Variants in DNAH12 observed in about 807,000 individuals in gnomAD.
The protein encoded by DNAH12 is axonemal beta dynein heavy chain 12.
DNAH12 carries 285 observed loss-of-function variants against 371.5 expected under a neutral mutation model. The ratio of observed to expected loss-of-function variants is 0.77; its 90% CI spans 0.70 to 0.85. The LOEUF is 0.85. DNAH12 is among the 40% of genes least tolerant of loss of function. The pLI, the probability that DNAH12 is intolerant of heterozygous loss-of-function variation, is 0.00. For missense variants in DNAH12, 3,611 were observed against 3,689.4 expected, an observed-to-expected ratio of 0.98 and a Z score of 0.55; for synonymous variants, 1,200 against 1,213.0, an observed-to-expected ratio of 0.99 and a Z score of 0.22.
chr3:57,316,959 C>T (rs2061699273), intron 65 of DNAH12, among the ~76,000 whole-genome samples: 1 of 152,112 alleles, frequency 6.6e-6, no homozygotes, highest in Non-Finnish European at 1.5e-5. Context: ...ATTCAATGAC[C>T]TCAATAATTT....
At chr3:57,381,832 T>G (rs1263297507) in intron 50 of DNAH12, among the ~76,000 whole-genome samples, 1 of 151,956 alleles carries the variant, frequency 6.6e-6, no homozygotes, top group East Asian at 1.9e-4. Context: ...GAATTCTGCA[T>G]AGACAGAAAA....
chr3:57,316,998 T>C (rs1320389539), intron 65 of DNAH12, among the ~76,000 whole-genome samples: 1 of 152,216 alleles, frequency 6.6e-6, no homozygotes, highest in Non-Finnish European at 1.5e-5. Context: ...TCAGTTTCCT[T>C]ATTTAACAAA....
At chr3:57,396,922 G>A (rs1325444880) in intron 43 of DNAH12, among the ~76,000 whole-genome samples, 10 of 152,320 alleles carry the variant, frequency 6.6e-5, no homozygotes, top group African/African-American at 2.4e-4. Context: ...CTACTAGGGA[G>A]GTTGAGGCAG....
At chr3:57,381,236 G>GGGGT (rs2063383615) in intron 50 of DNAH12, among the ~76,000 whole-genome samples, 1 of 149,242 alleles carries the variant, frequency 6.7e-6, no homozygotes, top group African/African-American at 2.5e-5. Context: ...CTGATAGGGA[G>GGGGT]GTGTGTGTGT....
chr3:57,430,475 T>A (rs1277714703), intron 32 of DNAH12, among the ~76,000 whole-genome samples: 1 of 152,206 alleles, frequency 6.6e-6, no homozygotes, highest in Non-Finnish European at 1.5e-5. Flanking sequence ...TCAAAGACTA[T>A]GCATTGAGTT....
At chr3:57,477,578 G>C (rs1439227844) in intron 13 of DNAH12, among the ~76,000 whole-genome samples, 2 of 152,158 alleles carry the variant, frequency 1.3e-5, no homozygotes, top group Non-Finnish European at 2.9e-5. Flanking sequence ...AGAGAATAGT[G>C]GTTCTCCCAG....
intron 60 of DNAH12, among the ~76,000 whole-genome samples, chr3:57,336,574 A>G (rs567264782): frequency 6.6e-6 from 1 of 152,346 alleles, no homozygotes; most frequent in South Asian, 2.1e-4. Flanking sequence ...CCTACACTAC[A>G]AGATATCTTA....
rs2066336329 is a variant in DNAH12, at chr3:57,470,543, C to T, written c.2005G>A (p.Glu669Lys). The T allele has an allele frequency of 6.5e-7, 1 of 1,549,956 alleles. No homozygotes were observed. The highest frequency in any genetic ancestry group is 1.4e-5 in the African/African-American group (1 of 72,940). Residue 669 changes from glutamate (E) to lysine (K), a missense_variant, in exon 16 of 74, where the codon GAA becomes AAA. By Grantham distance (56) the Glu-to-Lys change is moderately conservative. Coordinates refer to ENST00000495027, the MANE Select transcript of DNAH12 (RefSeq NM_001366028.2). ...TCCAGTTCAGGATATTTTGTCAATT[C>T]CCACTTGAAAAGTTCCTCTTCTTTA... ...INKEEELFKW[E>K]LTKYPELDKL...
intron 59 of DNAH12, among the ~76,000 whole-genome samples, chr3:57,354,903 A>G (rs1372167347): frequency 1.3e-5 from 2 of 152,220 alleles, no homozygotes; most frequent in Non-Finnish European, 1.5e-5. Flanking sequence ...TTCTATTTAT[A>G]TAAAATTTTT....
intron 55 of DNAH12, among the ~76,000 whole-genome samples, chr3:57,372,515 T>C (rs1467692899): frequency 1.3e-5 from 2 of 152,156 alleles, no homozygotes; most frequent in South Asian, 4.1e-4. Flanking sequence ...AAAGAGAATG[T>C]ATTATAGAAT....
At chr3:57,542,167 G>C (rs1024863856) in intron 2 of DNAH12, among the ~76,000 whole-genome samples, 10 of 112,714 alleles carry the variant, frequency 8.9e-5, no homozygotes, top group South Asian at 3.0e-4. Flanking sequence ...GGGGGGGGGG[G>C]GGCGGTGAGT....
intron 60 of DNAH12, among the ~76,000 whole-genome samples, chr3:57,343,732 G>A (rs1342941750): frequency 6.6e-6 from 1 of 152,180 alleles, no homozygotes; most frequent in Non-Finnish European, 1.5e-5. Flanking sequence ...GGAACTGAAT[G>A]TCTCGGTATA....
chr3:57,357,943 G>C (rs1298850187), intron 58 of DNAH12, among the ~76,000 whole-genome samples: 1 of 152,180 alleles, frequency 6.6e-6, no homozygotes, highest in Non-Finnish European at 1.5e-5. Context: ...TAACAGGGCT[G>C]TAGATATTCA....
At position 57,457,905 on chromosome 3, in the gene DNAH12, A is replaced by G; in HGVS notation, c.3152T>C (p.Ile1051Thr). Reference protein sequence around the residue: ...QPHLKKCFEGIAKLEFLPNLD... With the variant: ...QPHLKKCFEGTAKLEFLPNLD... ...ATTGGGAAGGAACTCTAATTTAGCA[A>G]TGCCCTCAAAGCATTTTTTTAAATG... Residue 1051 changes from isoleucine (I) to threonine (T), a missense_variant, in exon 22 of 74, where the codon ATT (isoleucine) becomes ACT (threonine). Ile to Thr is a moderately conservative substitution (Grantham distance 89, BLOSUM62 -1). Coordinates refer to ENST00000495027, the MANE Select transcript of DNAH12 (RefSeq NM_001366028.2). 2 of 1,551,664 alleles carry G rather than the reference A, an allele frequency of 1.3e-6. No individual in the cohort carries two copies. Among genetic ancestry groups the G allele is most frequent in the Non-Finnish European group, 1.7e-6 (2 of 1,146,982 alleles).
At chr3:57,427,134 G>A (rs1230756316) in intron 34 of DNAH12, among the ~76,000 whole-genome samples, 39 of 139,500 alleles carry the variant, frequency 2.8e-4, no homozygotes, top group African/African-American at 1.0e-3. Context: ...TATGTAAGAA[G>A]CGAATGTGTG....
intron 37 of DNAH12, among the ~76,000 whole-genome samples, chr3:57,418,166 TAAAC>T (rs1436780048): frequency 2.5e-5 from 3 of 120,304 alleles, no homozygotes; most frequent in African/African-American, 3.5e-5. Context: ...CTGAAATAAA[TAAAC>T]AAATAAATAA....
chr3:57,422,993 A>T (rs2064639537), intron 35 of DNAH12, among the ~76,000 whole-genome samples: 1 of 152,170 alleles, frequency 6.6e-6, no homozygotes, highest in African/African-American at 2.4e-5. Flanking sequence ...CATGTAAAAG[A>T]GTGTGTGCAT....
intron 11 of DNAH12, among the ~76,000 whole-genome samples, chr3:57,490,829 C>T (rs566618346): frequency 1.3e-5 from 2 of 152,206 alleles, no homozygotes; most frequent in African/African-American, 4.8e-5. Context: ...TGGCTCACGC[C>T]TGTAATCCCA....
At chr3:57,499,968 C>T (rs1262128616) in intron 11 of DNAH12, among the ~76,000 whole-genome samples, 6 of 151,042 alleles carry the variant, frequency 4.0e-5, no homozygotes, top group Admixed American at 4.0e-4. Flanking sequence ...CAGTTTTAAC[C>T]AATAGAACAA....
Sources: gnomAD v4.1 joint callset for allele counts (sites outside exome capture counted in the v4.1 genomes callset) on GRCh38, gnomAD v4.1.1 for gene constraint, MANE v1.5 for transcripts, NCBI Gene and HGNC (gene_info 2026-07-23, HGNC 2026-07-21) for gene names.